ZNF681: variants seen among roughly 807,000 people sequenced by gnomAD.
The protein encoded by ZNF681 is hypothetical protein FLJ31526.
In ZNF681, 37 loss-of-function variants were observed where a neutral mutation model predicts 56.0. The observed-to-expected ratio is 0.66, with a 90% CI of 0.51 to 0.87. The LOEUF is 0.87. ZNF681 is among the 40% of genes least tolerant of loss of function. The probability of loss-of-function intolerance (pLI) is 0.00; values close to 1 mark genes in which losing one functional copy is unlikely to be tolerated. For missense variants in ZNF681, 741 were observed against 744.9 expected, an observed-to-expected ratio of 0.99 and a Z score of 0.06; for synonymous variants, 225 against 248.6, an observed-to-expected ratio of 0.91 and a Z score of 0.89.
Position 23,740,985 on chromosome 19 carries a change from T to C in ZNF681, c.*2627A>G, listed in dbSNP as rs1357605092. 1 of 152,162 alleles carries C rather than the reference T, an allele frequency of 6.6e-6. No homozygotes were observed. The highest frequency in any genetic ancestry group is 2.4e-5 in the African/African-American group (1 of 41,454). 9.4% of individuals were successfully genotyped at this position (152,162 alleles called of 1,614,324 possible). On this transcript the variant is annotated 3_prime_UTR_variant, in exon 4 of 4. Transcript: ENST00000402377. ...AACAAAAATTTGCATAGGGAGATTC[T>C]GAATTATAAGCCATACAATTTTACA...
chr19:23,751,260 T>G (rs1969025653), intron 3 of ZNF681, among the ~76,000 whole-genome samples: 1 of 151,664 alleles, frequency 6.6e-6, no homozygotes, highest in Admixed American at 6.6e-5. Flanking sequence ...GCGGATCACC[T>G]GAAGTTGGGA....
intron 3 of ZNF681, among the ~76,000 whole-genome samples, chr19:23,751,474 C>CAAAAA (rs71165893): frequency 8.1e-6 from 1 of 123,030 alleles, no homozygotes. Flanking sequence ...GACTCCGTCT[C>CAAAAA]AAAAAAAAAA....
At chr19:23,749,146 G>T (rs1240960427) in intron 3 of ZNF681, among the ~76,000 whole-genome samples, 1 of 151,972 alleles carries the variant, frequency 6.6e-6, no homozygotes, top group East Asian at 1.9e-4. Context: ...AAATACAATG[G>T]AATATTATTC....
intron 3 of ZNF681, among the ~76,000 whole-genome samples, chr19:23,748,576 A>C (rs896003503): frequency 3.3e-5 from 5 of 152,178 alleles, no homozygotes; most frequent in Non-Finnish European, 7.3e-5. Flanking sequence ...CACTAGAAGC[A>C]AGGAGCCCCC....
chr19:23,755,594 CACACAT>C (rs58579570), intron 1 of ZNF681, 43 bp from the exon 2 acceptor site: 129,334 of 878,690 alleles, frequency 0.15, 2,347 homozygotes, highest in Non-Finnish European at 0.16. Context: ...CACACACACA[CACACAT>C]ACACATTTAG....
In ZNF681 at chr19:23,744,081, G is replaced by C. The variant is rs973185986; in HGVS notation, c.1469C>G (p.Ser490Cys). 1.2e-6 allele frequency: 2 copies of C among 1,603,036 alleles called. No individual in the cohort carries two copies. The highest frequency in any genetic ancestry group is 2.7e-5 in the African/African-American group (2 of 74,418). ...CEECGKAFNQ[S>C]SILTTHKRIH... ...TCTCTTATGTGTAGTAAGGATTGAG[G>C]ACTGGTTAAAAGCTTTGCCACATTC... The change falls in exon 4 of 4, where the codon TCC becomes TGC. Residue 490 changes from serine to cysteine, a missense_variant. By Grantham distance (112) the Ser-to-Cys change is moderately radical. Transcript: ENST00000402377.
rs779617160 is a variant in ZNF681, at chr19:23,745,272, T to G, written c.278A>C (p.Asp93Ala). 5 of 1,598,982 alleles carry G rather than the reference T, an allele frequency of 3.1e-6. No individual in the cohort carries two copies. The Admixed American group carries it at 5.4e-5, about 17-fold the overall frequency. The stretch of plus-strand genomic sequence containing the variant: ...TCTTGGTGTCACTTTTTGGAAAGAA[T>G]CTTTTATGTTCTGCTCTGGTGAAAA... The part of the protein sequence containing the change: ...QDFSPEQNIK[D>A]SFQKVTPRRY... The change falls in exon 4 of 4, where the codon GAT (aspartate) becomes GCT (alanine). Residue 93 changes from aspartate (D) to alanine (A), a missense_variant. Asp to Ala is a moderately radical substitution (Grantham distance 126). Coordinates refer to ENST00000402377, the MANE Select transcript of ZNF681 (RefSeq NM_138286.3).
In ZNF681 at chr19:23,744,210, T is replaced by C. The variant is rs753878344; in HGVS notation, c.1340A>G (p.Glu447Gly). The C allele has an allele frequency of 6.2e-7, 1 of 1,613,740 alleles. No homozygotes were observed. Among genetic ancestry groups the C allele is most frequent in the Non-Finnish European group, 8.5e-7 (1 of 1,179,856 alleles). The part of the protein sequence containing the change: ...LTEHKNIHTE[E>G]KPYKCEECGK... ...ACATTCTTCACATTTGTATGGTTTC[T>C]CTTCAGTATGAATATTCTTATGTTC... Residue 447 changes from glutamate (E) to glycine (G), a missense_variant, in exon 4 of 4, where the codon GAG becomes GGG. Transcript: ENST00000402377.
intron 3 of ZNF681, among the ~76,000 whole-genome samples, chr19:23,745,554 G>A (rs1968933477): frequency 6.6e-6 from 1 of 150,392 alleles, no homozygotes. Flanking sequence ...CCAGGTTCAA[G>A]CAACTCTCCT....
In ZNF681 at chr19:23,744,356, T is replaced by C; in HGVS notation, c.1194A>G (p.Glu398=). The change falls in exon 4 of 4, where the codon GAA becomes GAG. Residue 398 remains glutamate, a synonymous_variant. Coordinates refer to ENST00000402377, the MANE Select transcript of ZNF681 (RefSeq NM_138286.3). ...HTGEKPYKCE[E]CGKAFNKSSH... is the part of the protein sequence containing the mutation. Reference sequence around the variant, plus strand: ...AGGACTTGTTAAAAGCTTTGCCACATTCTTCACATTTGTAGGGTTTCTCTC... The same window carrying C: ...AGGACTTGTTAAAAGCTTTGCCACACTCTTCACATTTGTAGGGTTTCTCTC... 6.2e-7 allele frequency: 1 copy of C among 1,613,994 alleles called. No individual in the cohort carries two copies. Among genetic ancestry groups the C allele is most frequent in the Non-Finnish European group, 8.5e-7 (1 of 1,179,968 alleles).
chr19:23,743,880 G>T lies in ZNF681; in HGVS notation c.1670C>A (p.Thr557Asn), dbSNP rs749950289. ...SHLATHKVIH[T>N]GEKPYQCEEC... ...TTCACATTGGTAGGGTTTCTCTCCA[G>T]TATGAATTACCTTATGTGTAGCAAG... The change falls in exon 4 of 4, where the codon ACT (threonine) becomes AAT (asparagine). Residue 557 changes from threonine (T) to asparagine (N), a missense_variant. By Grantham distance (65) the Thr-to-Asn change is moderately conservative. Coordinates refer to ENST00000402377, the MANE Select transcript of ZNF681 (RefSeq NM_138286.3). The T allele has an allele frequency of 5.4e-5, 87 of 1,601,020 alleles. No individual in the cohort carries two copies. Among genetic ancestry groups the T allele is most frequent in the Non-Finnish European group, 7.4e-5 (87 of 1,170,756 alleles).
intron 3 of ZNF681, among the ~76,000 whole-genome samples, chr19:23,751,702 T>C (rs917529198): frequency 6.6e-6 from 1 of 151,478 alleles, no homozygotes; most frequent in African/African-American, 2.4e-5. Context: ...ATTTATTTTT[T>C]TGAGATGGAG....
At position 23,754,934 on chromosome 19, in the gene ZNF681, T is replaced by C. The variant is rs964179776; in HGVS notation, c.131-16A>G. The stretch of plus-strand genomic sequence containing the variant: ...ACAACAATACCTGTTTTATTGAAAG[T>C]AAATAACATAAATCTTGCTTATATT... On this transcript the variant is annotated splice_polypyrimidine_tract_variant and intron_variant, in intron 2 of 3. Coordinates refer to ENST00000402377, the MANE Select transcript of ZNF681 (RefSeq NM_138286.3). The C allele has an allele frequency of 2.5e-6, 4 of 1,599,126 alleles. No homozygotes were observed. Among genetic ancestry groups the C allele is most frequent in the Non-Finnish European group, 3.4e-6 (4 of 1,168,856 alleles).
intron 3 of ZNF681, among the ~76,000 whole-genome samples, chr19:23,746,876 C>A (rs1968952022): frequency 6.6e-6 from 1 of 152,172 alleles, no homozygotes; most frequent in Non-Finnish European, 1.5e-5. Flanking sequence ...ATAATTTCAA[C>A]ACTTTGGGAG....
chr19:23,747,201 C>G (rs7508391), intron 3 of ZNF681, among the ~76,000 whole-genome samples: 149,024 of 152,302 alleles, frequency 0.98, 73,004 homozygotes, highest in Middle Eastern at 1. Context: ...AAATTGAGAA[C>G]ACAAGTAAAA....
chr19:23,758,537 T>C (rs6417219), intron 1 of ZNF681, among the ~76,000 whole-genome samples: 149,003 of 152,310 alleles, frequency 0.98, 72,978 homozygotes, highest in Middle Eastern at 1. Context: ...CAGAGAGAGC[T>C]GCAGGCCAGG....
intron 3 of ZNF681, among the ~76,000 whole-genome samples, chr19:23,750,706 G>A (rs951119529): frequency 2.6e-5 from 4 of 151,562 alleles, no homozygotes; most frequent in Non-Finnish European, 5.9e-5. Flanking sequence ...GCCAGGCCTG[G>A]TGGCATGTGC....
At chr19:23,748,624 T>A (rs1011359041) in intron 3 of ZNF681, among the ~76,000 whole-genome samples, 5 of 152,218 alleles carry the variant, frequency 3.3e-5, no homozygotes, top group African/African-American at 1.2e-4. Context: ...TGTCTTTGTC[T>A]TTATTCCCAC....
chr19:23,745,404 C>A, intron 3 of ZNF681, 81 bp from the exon 4 acceptor site: 4 of 1,117,974 alleles, frequency 3.6e-6, no homozygotes, highest in Non-Finnish European at 4.8e-6. Flanking sequence ...TACAATTATA[C>A]AAATTACATA....
Sources: allele counts gnomAD v4.1 joint callset (sites outside exome capture counted in the v4.1 genomes callset), GRCh38; gene constraint gnomAD v4.1.1; transcripts MANE v1.5; gene names NCBI Gene and HGNC (gene_info 2026-07-23, HGNC 2026-07-21).